PRH1: variants seen among roughly 807,000 people sequenced by gnomAD.
The protein encoded by PRH1 is proline rich protein HaeIII subfamily 1.
In PRH1, 7 loss-of-function variants were observed where a neutral mutation model predicts 7.9. The observed-to-expected ratio is 0.89, with a 90% CI of 0.50 to 1.67. The LOEUF (loss-of-function observed/expected upper bound fraction) is 1.67, where lower values mean the gene tolerates loss of function less well. Among genes scored for constraint, PRH1 ranks in the 40% most tolerant of loss-of-function variants. The pLI, the probability that PRH1 is intolerant of heterozygous loss-of-function variation, is 0.00. For missense variants in PRH1, 109 were observed against 223.6 expected (o/e 0.49, Z 3.27); for synonymous variants, 45 against 80.8 (o/e 0.56, Z 2.38).
intron 1 of PRH1, among the ~76,000 whole-genome samples, chr12:11,056,573 T>C (rs578028466): frequency 2.7e-4 from 41 of 152,226 alleles, no homozygotes; most frequent in African/African-American, 7.9e-4. Flanking sequence ...CTCCCAGCAA[T>C]TTGGCAGGCT....
chr12:11,145,979 G>A (rs530577731), intron 1 of PRH1, among the ~76,000 whole-genome samples: 11 of 152,078 alleles, frequency 7.2e-5, no homozygotes, highest in South Asian at 6.2e-4. Flanking sequence ...TTTTAGAAAC[G>A]TTTCAGAAAT....
intron 1 of PRH1, chr12:11,079,155 T>A (rs1313395497): frequency 6.9e-6 from 1 of 144,582 alleles, no homozygotes; most frequent in Admixed American, 7.0e-5. Flanking sequence ...AGCAATTTTG[T>A]AAATATTTCG....
At chr12:11,049,385 A>T, upstream of PRH1, 1 of 119,588 alleles carries the variant, frequency 8.4e-6, no homozygotes, top group Non-Finnish European at 1.7e-5. Context: ...CTGCCTTTAA[A>T]TTCATGACTA....
intron 2 of PRH1, among the ~76,000 whole-genome samples, chr12:10,920,348 T>C (rs997383497): frequency 3.9e-5 from 6 of 152,160 alleles, no homozygotes; most frequent in Non-Finnish European, 8.8e-5. Context: ...TAGAATTATA[T>C]TGAATATGTG....
chr12:10,987,023 C>T, intron 1 of PRH1: 1 of 483,286 alleles, frequency 2.1e-6, no homozygotes. Flanking sequence ...AAAGTACCAG[C>T]TTATGCTAAT....
chr12:10,896,007 C>T (rs1468363386), intron 2 of PRH1: 1 of 152,106 alleles, frequency 6.6e-6, no homozygotes, highest in Non-Finnish European at 1.5e-5. Context: ...TTGGTGTAGT[C>T]TGGAGAGATC....
intron 2 of PRH1, among the ~76,000 whole-genome samples, chr12:10,926,170 C>T (rs1950120089): frequency 6.6e-6 from 1 of 152,154 alleles, no homozygotes; most frequent in South Asian, 2.1e-4. Flanking sequence ...GTTGAAGTCT[C>T]AGAGACCATT....
intron 1 of PRH1, among the ~76,000 whole-genome samples, chr12:11,138,922 C>G (rs1946630905): frequency 6.6e-6 from 1 of 152,112 alleles, no homozygotes; most frequent in South Asian, 2.1e-4. Flanking sequence ...CGCCTGTTGT[C>G]CTAGCTACTC....
At chr12:11,072,714 G>A (rs1294141241) in intron 1 of PRH1, among the ~76,000 whole-genome samples, 1 of 151,680 alleles carries the variant, frequency 6.6e-6, no homozygotes, top group Admixed American at 6.6e-5. Flanking sequence ...TGCTCTCTAG[G>A]ATGTGGTATC....
At chr12:11,013,904 T>C (rs1591811307) in intron 1 of PRH1, among the ~76,000 whole-genome samples, 1 of 152,178 alleles carries the variant, frequency 6.6e-6, no homozygotes, top group East Asian at 1.9e-4. Flanking sequence ...AATTGTTGTA[T>C]TTTTACTAGA....
intron 1 of PRH1, among the ~76,000 whole-genome samples, chr12:11,160,094 C>T (rs1484861769): frequency 6.6e-6 from 1 of 152,164 alleles, no homozygotes; most frequent in Non-Finnish European, 1.5e-5. Flanking sequence ...CACTAATTTG[C>T]ATTTTCATCT....
chr12:11,068,312 T>G (rs1271695586), intron 1 of PRH1, among the ~76,000 whole-genome samples: 1 of 152,226 alleles, frequency 6.6e-6, no homozygotes, highest in Non-Finnish European at 1.5e-5. Flanking sequence ...ATATTTTTCT[T>G]GAACTTTATG....
intron 2 of PRH1, chr12:10,891,912 G>A (rs948930871): frequency 6.6e-6 from 1 of 152,184 alleles, no homozygotes; most frequent in African/African-American, 2.4e-5. Flanking sequence ...ACACTGGAAT[G>A]TAAGCAAATA....
chr12:10,936,747 T>G (rs1037715816), intron 2 of PRH1, among the ~76,000 whole-genome samples: 1 of 152,174 alleles, frequency 6.6e-6, no homozygotes, highest in Non-Finnish European at 1.5e-5. Flanking sequence ...ACACCAGTCC[T>G]ATTGTACTAC....
In PRH1 at chr12:11,088,032, A is replaced by G. The variant is rs141156858; in HGVS notation, n.124-40844T>C. The stretch of plus-strand genomic sequence containing the variant: ...AATTTACATTTTTTAAAACATCGTG[A>G]TTATTTAATATATTAATAATATTAC... On this transcript the variant is annotated intron_variant and non_coding_transcript_variant, in intron 1 of 4. Coordinates refer to the PRH1 transcript ENST00000541977. 1.1e-3 allele frequency among the ~76,000 whole-genome samples: 114 copies of G among 105,580 alleles called. 10 individuals are homozygous for G. Among genetic ancestry groups the G allele is most frequent in the Non-Finnish European group, 1.8e-3 (84 of 45,998 alleles). The allele number at this position is 105,580 out of a possible 152,430, so 69.3% of individuals were successfully genotyped here.
At chr12:11,163,928 G>A (rs2136460856) in intron 1 of PRH1, among the ~76,000 whole-genome samples, 1 of 152,234 alleles carries the variant, frequency 6.6e-6, no homozygotes, top group East Asian at 1.9e-4. Flanking sequence ...GACACTTTGA[G>A]GTAAAGCTAT....
At chr12:11,145,237 G>A (rs1355200420) in intron 1 of PRH1, among the ~76,000 whole-genome samples, 1 of 152,082 alleles carries the variant, frequency 6.6e-6, no homozygotes, top group Non-Finnish European at 1.5e-5. Context: ...CATTGCCCAG[G>A]TTGGAATACA....
chr12:11,030,796 G>C (rs1389154221), intron 1 of PRH1: 1 of 1,614,146 alleles, frequency 6.2e-7, no homozygotes. Flanking sequence ...TTCCTAGCGT[G>C]GTTACAGTCG....
chr12:11,139,030 AC>A (rs559863608), intron 1 of PRH1, among the ~76,000 whole-genome samples: 79 of 152,322 alleles, frequency 5.2e-4, no homozygotes, highest in African/African-American at 1.1e-3. Context: ...ACAGAGCAAG[AC>A]CCTGTCTCAA....
Sources: allele counts gnomAD v4.1 joint callset (sites outside exome capture counted in the v4.1 genomes callset), GRCh38; gene constraint gnomAD v4.1.1; transcripts MANE v1.5; gene names NCBI Gene and HGNC (gene_info 2026-07-23, HGNC 2026-07-21).